The following SUPT3H variants were observed in gnomAD, a reference collection of about 807,000 sequenced individuals.
SUPT3H encodes the protein SPT3 homolog, SAGA and STAGA complex component.
SUPT3H carries 44 observed loss-of-function variants against 44.3 expected under a neutral mutation model. The observed-to-expected ratio is 0.99, with a 90% CI of 0.78 to 1.28. The LOEUF is 1.28. Ranked by LOEUF, SUPT3H falls within the 50% of genes most tolerant of loss-of-function variation. SUPT3H has a pLI of 0.00. For missense variants in SUPT3H, 380 were observed against 387.1 expected (o/e 0.98, Z 0.15); for synonymous variants, 124 against 125.6 (o/e 0.99, Z 0.09).
intron 3 of SUPT3H, among the ~76,000 whole-genome samples, chr6:45,032,609 G>A (rs974643152): frequency 6.6e-6 from 1 of 152,104 alleles, no homozygotes; most frequent in Non-Finnish European, 1.5e-5. Flanking sequence ...GGATAAAATG[G>A]TACAATTACG....
intron 2 of SUPT3H, among the ~76,000 whole-genome samples, chr6:45,236,541 C>A (rs951549544): frequency 6.6e-6 from 1 of 151,966 alleles, no homozygotes; most frequent in African/African-American, 2.4e-5. Flanking sequence ...CCCTTCTGCA[C>A]CCCCTCCTTA....
intron 1 of SUPT3H, among the ~76,000 whole-genome samples, chr6:45,375,433 G>C (rs1444172256): frequency 6.6e-6 from 1 of 152,086 alleles, no homozygotes; most frequent in African/African-American, 2.4e-5. Context: ...ACCCATAAAA[G>C]CACCCCATTC....
rs73445431 is a variant in SUPT3H at position 44,969,948 on chromosome 6, T to C, written c.505-8120A>G. On this transcript the variant is annotated intron_variant, in intron 6 of 10. Coordinates refer to ENST00000371459, the MANE Select transcript of SUPT3H (RefSeq NM_003599.4). ...GAAGATTCAAAGGATTTAAAAGAAATTTTGTGCTGAAAGTGAGTAATCCTC... is the reference window on the plus strand; with the variant it reads ...GAAGATTCAAAGGATTTAAAAGAAACTTTGTGCTGAAAGTGAGTAATCCTC... Among the ~76,000 whole-genome samples, 818 of 152,230 alleles carry C rather than the reference T, an allele frequency of 5.4e-3. 9 individuals carry two copies. The highest frequency in any genetic ancestry group is 0.019 in the African/African-American group (786 of 41,536).
intron 2 of SUPT3H, among the ~76,000 whole-genome samples, chr6:45,212,890 T>C (rs1272039180): frequency 6.6e-6 from 1 of 152,148 alleles, no homozygotes; most frequent in Admixed American, 6.5e-5. Flanking sequence ...ATTTACATGA[T>C]CAAAAATTAT....
chr6:45,335,516 AC>A (rs1788372031), intron 2 of SUPT3H, among the ~76,000 whole-genome samples: 1 of 151,456 alleles, frequency 6.6e-6, no homozygotes. Flanking sequence ...TCATTAAAAT[AC>A]ATTTTTTTAG....
At chr6:45,153,880 C>G (rs962622320) in intron 2 of SUPT3H, among the ~76,000 whole-genome samples, 3 of 151,970 alleles carry the variant, frequency 2.0e-5, no homozygotes, top group African/African-American at 7.3e-5. Flanking sequence ...CCAGCCTAAC[C>G]AACATGGTGA....
intron 3 of SUPT3H, among the ~76,000 whole-genome samples, chr6:45,089,835 T>A (rs1297772597): frequency 6.6e-6 from 1 of 152,054 alleles, no homozygotes; most frequent in Non-Finnish European, 1.5e-5. Flanking sequence ...CGATATAAAA[T>A]AGCCAGGTTA....
chr6:45,202,199 A>G (rs2153626454), intron 2 of SUPT3H, among the ~76,000 whole-genome samples: 1 of 152,058 alleles, frequency 6.6e-6, no homozygotes, highest in East Asian at 1.9e-4. Context: ...GACATACCCA[A>G]TAATTGGAAA....
In SUPT3H at chr6:44,960,810, GA is replaced by G. The variant is rs997909944; in HGVS notation, c.580+942del. On this transcript the variant is annotated intron_variant, in intron 7 of 10. Coordinates refer to ENST00000371459, the MANE Select transcript of SUPT3H (RefSeq NM_003599.4). ...TCAAATTGGAAAGTATATTTAGTCAGAAAAAAAAAATCTTCCAAAACATGTT... is the reference window on the plus strand; with the variant it reads ...TCAAATTGGAAAGTATATTTAGTCAGAAAAAAAAATCTTCCAAAACATGTT... Among the ~76,000 whole-genome samples the G allele has an allele frequency of 2.3e-3, 339 of 149,260 alleles. 1 individual carries two copies. Among genetic ancestry groups the G allele is most frequent in the African/African-American group, 7.7e-3 (315 of 40,712 alleles).
intron 2 of SUPT3H, among the ~76,000 whole-genome samples, chr6:45,162,020 T>C (rs182097786): frequency 7.1e-6 from 1 of 141,110 alleles, no homozygotes; most frequent in East Asian, 2.3e-4. Flanking sequence ...GTATAACTCT[T>C]CAGAACATGT....
At chr6:45,148,470 A>C (rs1053277683) in intron 2 of SUPT3H, among the ~76,000 whole-genome samples, 2 of 152,194 alleles carry the variant, frequency 1.3e-5, no homozygotes, top group Non-Finnish European at 2.9e-5. Flanking sequence ...CATTTTGCTT[A>C]TGAGTGACTT....
chr6:44,940,579 T>C (rs1421258312), intron 9 of SUPT3H, among the ~76,000 whole-genome samples: 1 of 152,114 alleles, frequency 6.6e-6, no homozygotes, highest in African/African-American at 2.4e-5. Context: ...TTAAGTCCAA[T>C]ATGTCTTTGT....
chr6:45,318,761 G>GA (rs1210921316), intron 2 of SUPT3H, among the ~76,000 whole-genome samples: 2 of 151,884 alleles, frequency 1.3e-5, no homozygotes, highest in Non-Finnish European at 2.9e-5. Flanking sequence ...CAAAAAACAT[G>GA]AATTTATAAC....
chr6:45,216,190 GGATGGTAACTACCATCTGGAAGTA>G (rs558131200), intron 2 of SUPT3H, among the ~76,000 whole-genome samples: 17,788 of 137,160 alleles, frequency 0.13, 1,242 homozygotes, highest in African/African-American at 0.26. Flanking sequence ...GGAAGTAAAA[GGATGGTAACTACCATCTGGAAGTA>G]AAAGGATGGT....
chr6:45,190,910 A>C (rs1815017322), intron 2 of SUPT3H, among the ~76,000 whole-genome samples: 1 of 152,126 alleles, frequency 6.6e-6, no homozygotes, highest in Admixed American at 6.5e-5. Flanking sequence ...AACACTAACA[A>C]TACCATATGC....
At chr6:45,320,810 C>T (rs73735361) in intron 2 of SUPT3H, among the ~76,000 whole-genome samples, 1,882 of 152,094 alleles carry the variant, frequency 0.012, 51 homozygotes, top group African/African-American at 0.043. Flanking sequence ...TACATAGAGA[C>T]GTAGTCTTCT....
At chr6:45,083,281 T>C (rs1327684757) in intron 3 of SUPT3H, among the ~76,000 whole-genome samples, 6 of 151,808 alleles carry the variant, frequency 4.0e-5, no homozygotes, top group Non-Finnish European at 1.5e-5. Context: ...AACCTCCGCC[T>C]CCCAGGTTCA....
chr6:44,928,927 C>T (rs1170834911), intron 10 of SUPT3H, among the ~76,000 whole-genome samples: 2 of 134,754 alleles, frequency 1.5e-5, no homozygotes, highest in Non-Finnish European at 3.2e-5. Flanking sequence ...AACAAATCAC[C>T]AATGAAAACC....
intron 2 of SUPT3H, among the ~76,000 whole-genome samples, chr6:45,245,584 A>G (rs530307018): frequency 1.5e-3 from 224 of 152,272 alleles, no homozygotes; most frequent in African/African-American, 5.1e-3. Flanking sequence ...AATGTTTTCT[A>G]AAATTATCCA....
Sources: allele counts gnomAD v4.1 joint callset (sites outside exome capture counted in the v4.1 genomes callset), GRCh38; gene constraint gnomAD v4.1.1; transcripts MANE v1.5; gene names NCBI Gene and HGNC (gene_info 2026-07-23, HGNC 2026-07-21).